Variants in ATCAY observed in about 807,000 individuals in gnomAD.
ATCAY encodes the protein caytaxin.
A neutral mutation model predicts 47.7 loss-of-function variants in ATCAY; 22 were observed. The observed-to-expected ratio is 0.46, with a 90% CI of 0.33 to 0.66. The LOEUF (loss-of-function observed/expected upper bound fraction) is 0.66. Among genes scored for constraint, ATCAY ranks in the 30% least tolerant of loss-of-function variants. The pLI, the probability that ATCAY is intolerant of heterozygous loss-of-function variation, is 0.02. For synonymous variants in ATCAY, 216 were observed against 207.6 expected (o/e 1.04, Z -0.35); for missense variants, 452 against 515.0 (o/e 0.88, Z 1.18).
chr19:3,881,227 C>T (rs573754777), intron 1 of ATCAY, among the ~76,000 whole-genome samples: 2 of 152,096 alleles, frequency 1.3e-5, no homozygotes, highest in Admixed American at 1.3e-4. Flanking sequence ...ACCTTCCGCG[C>T]GCACCGTTCC....
intron 2 of ATCAY, among the ~76,000 whole-genome samples, chr19:3,886,919 G>A (rs1337164894): frequency 1.3e-5 from 2 of 151,668 alleles, no homozygotes; most frequent in Non-Finnish European, 2.9e-5. Context: ...TCACCATGTT[G>A]GCCAGGCCAG....
intron 9 of ATCAY, among the ~76,000 whole-genome samples, 169 bp downstream of exon 9, chr19:3,914,025 A>G (rs1309411759): frequency 6.6e-6 from 1 of 151,752 alleles, no homozygotes; most frequent in Non-Finnish European, 1.5e-5. Context: ...TCACGAGGTC[A>G]GGGGATCGAG....
intron 12 of ATCAY, 118 bp from the exon 13 acceptor site, chr19:3,924,465 T>C: frequency 8.1e-7 from 1 of 1,239,534 alleles, no homozygotes; most frequent in Admixed American, 1.9e-5. Flanking sequence ...CCACTCTTGC[T>C]GCTGGGAGTT....
In ATCAY at chr19:3,914,583, G is replaced by A. The variant is rs1387707769; in HGVS notation, c.965+727G>A. On this transcript the variant is annotated intron_variant, in intron 9 of 12. Coordinates refer to ENST00000450849, the MANE Select transcript of ATCAY (RefSeq NM_033064.5). ...GCACTGTAATCCCAGCATTTTGAGAGGCTGAGACAGGCAGATCACTTGAGG... is the reference window on the plus strand; with the variant it reads ...GCACTGTAATCCCAGCATTTTGAGAAGCTGAGACAGGCAGATCACTTGAGG... Among the ~76,000 whole-genome samples the A allele has an allele frequency of 4.6e-5, 7 of 152,138 alleles. No homozygotes were observed. In the East Asian group the frequency reaches 9.7e-4, roughly 21 times the overall value.
At chr19:3,893,848 C>T (rs1447415633) in intron 2 of ATCAY, among the ~76,000 whole-genome samples, 1 of 150,954 alleles carries the variant, frequency 6.6e-6, no homozygotes, top group Non-Finnish European at 1.5e-5. Flanking sequence ...CTCTCCCTGG[C>T]CCTCCCTCCC....
At chr19:3,881,335 T>C (rs1263134107) in intron 1 of ATCAY, among the ~76,000 whole-genome samples, 1 of 149,424 alleles carries the variant, frequency 6.7e-6, no homozygotes, top group African/African-American at 2.5e-5. Flanking sequence ...CCTAGCCCTA[T>C]GTATTTCCTA....
chr19:3,906,995 G>A (rs1288963424), intron 4 of ATCAY, among the ~76,000 whole-genome samples: 2 of 151,686 alleles, frequency 1.3e-5, no homozygotes, highest in Non-Finnish European at 2.9e-5. Flanking sequence ...GAAATTAGCC[G>A]GGCATGGTGG....
Position 3,913,290 on chromosome 19 carries a change from AAATAAC to A in ATCAY, c.867-460_867-455del, listed in dbSNP as rs1382539456. Among the ~76,000 whole-genome samples, 8 of 152,208 alleles carry A rather than the reference AAATAAC, an allele frequency of 5.3e-5. No homozygotes were observed. In the South Asian group the frequency reaches 1.7e-3, roughly 32 times the overall value. ...GTGAAGAGCAAGACTCTGTGTCAAA[AAATAAC>A]AATAACAGAGAATCAATGGGCAGCC... On this transcript the variant is annotated intron_variant, in intron 8 of 12. Coordinates refer to ENST00000450849, the MANE Select transcript of ATCAY (RefSeq NM_033064.5).
rs1317083463 is a variant in ATCAY at position 3,927,325 on chromosome 19, C to T, written c.*2733C>T. On this transcript the variant is annotated 3_prime_UTR_variant, in exon 13 of 13. Coordinates refer to ENST00000450849, the MANE Select transcript of ATCAY (RefSeq NM_033064.5). ...AGCTGCCACGATTTGTCCCAGGTGACCAAAGGCACGCAGCTCCAGCATGAA... is the reference window on the plus strand; with the variant it reads ...AGCTGCCACGATTTGTCCCAGGTGATCAAAGGCACGCAGCTCCAGCATGAA... 2 of 152,352 alleles carry T rather than the reference C, an allele frequency of 1.3e-5. No homozygotes were observed. Among genetic ancestry groups the T allele is most frequent in the East Asian group, 3.9e-4 (2 of 5,178 alleles). 9.4% of individuals were successfully genotyped at this position (152,352 alleles called of 1,614,324 possible).
chr19:3,893,148 CT>C (rs1294235291), intron 2 of ATCAY, among the ~76,000 whole-genome samples: 2 of 149,206 alleles, frequency 1.3e-5, no homozygotes, highest in Non-Finnish European at 3.0e-5. Flanking sequence ...CGCTGTGCAT[CT>C]TGCATGTGGG....
chr19:3,906,746 C>G (rs969590124), intron 4 of ATCAY, among the ~76,000 whole-genome samples: 11 of 152,240 alleles, frequency 7.2e-5, no homozygotes, highest in African/African-American at 2.6e-4. Context: ...ACCATTTACT[C>G]CAGGGCAAGT....
chr19:3,908,305 C>T lies in ATCAY; in HGVS notation c.582C>T (p.Phe194=), dbSNP rs1361091093. 3 of 1,589,466 alleles carry T rather than the reference C, an allele frequency of 1.9e-6. No homozygotes were observed. The highest frequency in any genetic ancestry group is 2.6e-6 in the Non-Finnish European group (3 of 1,168,036). ...YGEGLNAIIV[F]AACFLPDSSL... ...AAGGCCTCAACGCCATCATCGTCTT[C>T]GCAGCCTGCTTCCTTCCAGACAGCA... The change falls in exon 6 of 13, where the codon TTC becomes TTT. Residue 194 remains phenylalanine, a synonymous_variant. Transcript: ENST00000450849.
At position 3,907,868 on chromosome 19, in the gene ATCAY, C is replaced by T; in HGVS notation, c.493C>T (p.Arg165Cys). 6.2e-7 allele frequency: 1 copy of T among 1,613,928 alleles called. No homozygotes were observed. The highest frequency in any genetic ancestry group is 8.5e-7 in the Non-Finnish European group (1 of 1,179,836). Reference sequence around the variant, plus strand: ...AGTGATCATCGGGGAGCAAGAGCACCGTATAGACCTGCACATGATCCGGCC... The same window carrying T: ...AGTGATCATCGGGGAGCAAGAGCACTGTATAGACCTGCACATGATCCGGCC... ...RTVIIGEQEH[R>C]IDLHMIRPYM... Residue 165 changes from arginine to cysteine, a missense_variant, in exon 5 of 13, where the codon CGT (arginine) becomes TGT (cysteine). Coordinates refer to ENST00000450849, the MANE Select transcript of ATCAY (RefSeq NM_033064.5). This position sits in a 1 kb window ranked among gnomAD's most constrained non-coding sequence, Gnocchi z 5.1.
chr19:3,884,652 C>G (rs78639538), intron 1 of ATCAY, among the ~76,000 whole-genome samples: 1 of 152,062 alleles, frequency 6.6e-6, no homozygotes, highest in Non-Finnish European at 1.5e-5. Context: ...AGGTAGATTT[C>G]GAAGTTTCCA....
rs370449188 is a variant in ATCAY, at chr19:3,910,761, C to T, written c.780-42C>T. The T allele has an allele frequency of 6.2e-6, 10 of 1,608,496 alleles. No homozygotes were observed. In the African/African-American group the frequency reaches 9.4e-5, roughly 15 times the overall value. The stretch of plus-strand genomic sequence containing the variant: ...ACCCAGCTCCTCCCTCCCCAGGGCT[C>T]GCCCCAGGAGCCCATCTTGCTTCCT... On this transcript the variant is annotated intron_variant, in intron 7 of 12. Transcript: ENST00000450849.
At chr19:3,922,742 T>TTTG (rs946197423) in intron 12 of ATCAY, among the ~76,000 whole-genome samples, 3 of 152,006 alleles carry the variant, frequency 2.0e-5, no homozygotes, top group East Asian at 1.9e-4. Context: ...TTGTTTTGTT[T>TTTG]TTGTTGTTGT....
rs763273815 is a variant in ATCAY, at chr19:3,902,506, G to T, written c.97G>T (p.Gly33Trp). The change falls in exon 3 of 13, where the codon GGG (glycine) becomes TGG (tryptophan). Residue 33 changes from glycine to tryptophan, a missense_variant. Physicochemically the swap from Gly to Trp is radical, Grantham distance 184. Coordinates refer to ENST00000450849, the MANE Select transcript of ATCAY (RefSeq NM_033064.5). The stretch of plus-strand genomic sequence containing the variant: ...CCGCAGGCCACTCCCAGAAGAGACG[G>T]GGGTGGAACTGCTTGGCAGCCCGGT... Reference protein sequence around the residue: ...DLPRPLPEETGVELLGSPVED... With the variant: ...DLPRPLPEETWVELLGSPVED... 1.3e-6 allele frequency: 2 copies of T among 1,580,596 alleles called. No homozygotes were observed. The highest frequency in any genetic ancestry group is 4.6e-5 in the East Asian group (2 of 43,154).
chr19:3,917,614 AGAAG>A, intron 9 of ATCAY, 124 bp from the exon 10 acceptor site: 1 of 705,436 alleles, frequency 1.4e-6, no homozygotes, highest in South Asian at 1.9e-5. Context: ...AAAAAAAGGA[AGAAG>A]AAGAAGAAGA....
At chr19:3,899,908 G>C (rs2038801744) in intron 2 of ATCAY, among the ~76,000 whole-genome samples, 1 of 152,130 alleles carries the variant, frequency 6.6e-6, no homozygotes, top group Non-Finnish European at 1.5e-5. Flanking sequence ...GGTGGCTCAT[G>C]CTGTAATTCC....
Sources: gnomAD v4.1 joint callset for allele counts (sites outside exome capture counted in the v4.1 genomes callset) on GRCh38, gnomAD v4.1.1 for gene constraint, Gnocchi (gnomAD v3.1) non-coding constraint, MANE v1.5 for transcripts, NCBI Gene and HGNC (gene_info 2026-07-23, HGNC 2026-07-21) for gene names.